Variants in INPP4A observed in about 807,000 individuals in gnomAD.
The protein encoded by INPP4A is inositol polyphosphate-4-phosphatase, type I, 107kD.
Under a neutral mutation model 119.8 loss-of-function variants are expected in INPP4A, and 33 were observed. That is an observed-to-expected ratio of 0.28 (90% CI 0.21 to 0.37). The LOEUF is 0.37. INPP4A is among the 10% of genes least tolerant of loss of function. The probability of loss-of-function intolerance (pLI) is 1.00; values close to 1 mark genes in which losing one functional copy is unlikely to be tolerated. For missense variants in INPP4A, 956 were observed against 1,289.9 expected (o/e 0.74, Z 3.97); for synonymous variants, 496 against 500.7 (o/e 0.99, Z 0.12).
In INPP4A at chr2:98,590,516, G is replaced by A. The variant is rs146440913; in HGVS notation, c.*2908G>A. ...CTTCCTCATAAGGAACGTGCGACGC[G>A]CCTCAGAAGTACGTGTTCATAAATG... On this transcript the variant is annotated 3_prime_UTR_variant, in exon 25 of 25. Coordinates refer to ENST00000409851, the MANE Select transcript of INPP4A (RefSeq NM_001134225.2). 5.5e-4 allele frequency: 107 copies of A among 193,594 alleles called. No homozygotes were observed. The highest frequency in any genetic ancestry group is 2.3e-3 in the African/African-American group (100 of 43,194). The allele number at this position is 193,594 out of a possible 1,614,324, so 12.0% of individuals were successfully genotyped here.
intron 24 of INPP4A, chr2:98,581,432 C>T: frequency 1.2e-6 from 1 of 859,970 alleles, no homozygotes; most frequent in Non-Finnish European, 1.7e-6. Context: ...GACTTCATTT[C>T]ATTTTTTTTT....
intron 1 of INPP4A, among the ~76,000 whole-genome samples, chr2:98,493,384 A>C (rs1043915979): frequency 1.3e-4 from 20 of 150,768 alleles, no homozygotes; most frequent in Non-Finnish European, 2.8e-4. Flanking sequence ...CTTATTTACT[A>C]ATCAGGATAT....
intron 16 of INPP4A, among the ~76,000 whole-genome samples, chr2:98,559,179 G>A (rs554443675): frequency 2.0e-5 from 3 of 152,322 alleles, no homozygotes; most frequent in East Asian, 1.9e-4. Flanking sequence ...AAGCTAGATC[G>A]CACATCCCGA....
At chr2:98,533,168 T>C (rs1386228867) in intron 4 of INPP4A, among the ~76,000 whole-genome samples, 1 of 152,250 alleles carries the variant, frequency 6.6e-6, no homozygotes, top group Admixed American at 6.5e-5. Flanking sequence ...AGTTATGACA[T>C]TGCTGTCTTG....
chr2:98,447,122 G>A (rs1694327380), intron 1 of INPP4A, among the ~76,000 whole-genome samples: 1 of 152,206 alleles, frequency 6.6e-6, no homozygotes, highest in Admixed American at 6.5e-5. Flanking sequence ...GTGAGGCAGA[G>A]TGGAGGGGGA....
intron 1 of INPP4A, among the ~76,000 whole-genome samples, chr2:98,447,547 A>ATT (rs138850052): frequency 6.8e-6 from 1 of 147,978 alleles, no homozygotes. Context: ...TTATTCTCTA[A>ATT]TTTTTTTTTT....
intron 19 of INPP4A, among the ~76,000 whole-genome samples, chr2:98,565,395 A>G (rs1292726068): frequency 6.6e-6 from 1 of 152,172 alleles, no homozygotes; most frequent in Non-Finnish European, 1.5e-5. Flanking sequence ...CCCAAGAAAT[A>G]GTGGGAAGGG....
At chr2:98,481,836 C>T (rs1006504794) in intron 1 of INPP4A, among the ~76,000 whole-genome samples, 2 of 152,220 alleles carry the variant, frequency 1.3e-5, no homozygotes, top group Non-Finnish European at 2.9e-5. Flanking sequence ...TCCCTGTCCA[C>T]GCACCACCTC....
At chr2:98,470,792 C>T (rs1675849012) in intron 1 of INPP4A, among the ~76,000 whole-genome samples, 1 of 152,094 alleles carries the variant, frequency 6.6e-6, no homozygotes, top group African/African-American at 2.4e-5. Flanking sequence ...CTCAGCCTCC[C>T]GAGCAGCTGG....
intron 21 of INPP4A, among the ~76,000 whole-genome samples, chr2:98,567,647 G>A (rs1378360090): frequency 6.6e-6 from 1 of 152,186 alleles, no homozygotes; most frequent in African/African-American, 2.4e-5. Context: ...GCAACACTGA[G>A]GACAGAGAGG....
chr2:98,529,662 G>A (rs183571098), intron 4 of INPP4A, among the ~76,000 whole-genome samples: 31 of 152,228 alleles, frequency 2.0e-4, no homozygotes, highest in African/African-American at 6.7e-4. Context: ...CGTGAACCCG[G>A]GAGGCAGAGC....
chr2:98,513,517 T>A (rs1685534649), intron 1 of INPP4A, among the ~76,000 whole-genome samples: 1 of 152,232 alleles, frequency 6.6e-6, no homozygotes. Context: ...CCAGAGGAAG[T>A]TTCTGCTGCC....
intron 1 of INPP4A, among the ~76,000 whole-genome samples, chr2:98,504,325 T>C (rs1683652285): frequency 4.6e-5 from 7 of 152,252 alleles, no homozygotes. Context: ...CTGCTAAGTG[T>C]TCACCCCAAC....
chr2:98,519,828 A>C (rs1161359510), intron 2 of INPP4A, 118 bp from the exon 3 acceptor site: 2 of 543,368 alleles, frequency 3.7e-6, no homozygotes, highest in Non-Finnish European at 6.7e-6. Context: ...GGTTCCTCAC[A>C]TGCTGGGGAA....
chr2:98,450,688 C>T (rs1454628310), intron 1 of INPP4A, among the ~76,000 whole-genome samples: 2 of 152,168 alleles, frequency 1.3e-5, no homozygotes, highest in Non-Finnish European at 2.9e-5. Flanking sequence ...ACAATGGATT[C>T]GTATACAGAG....
In INPP4A at chr2:98,577,293, T is replaced by G. The variant is rs553965777; in HGVS notation, c.2786+150T>G. ...CTTGAGTTTGACAAACCCGTCAAACTATTGGCACTATCAAATTCAGACAGG... is the reference window on the plus strand; with the variant it reads ...CTTGAGTTTGACAAACCCGTCAAACGATTGGCACTATCAAATTCAGACAGG... On this transcript the variant is annotated intron_variant, in intron 24 of 24. Transcript: ENST00000409851. 1,612 of 794,050 alleles carry G rather than the reference T, an allele frequency of 2.0e-3. 4 individuals carry two copies. The highest frequency in any genetic ancestry group is 2.8e-3 in the Non-Finnish European group (1,476 of 528,484). The allele number at this position is 794,050 out of a possible 1,614,324, so 49.2% of individuals were successfully genotyped here.
rs1198635481 is a variant in INPP4A, at chr2:98,568,791, T to A, written c.2518+123T>A. On this transcript the variant is annotated intron_variant, in intron 22 of 24. Transcript: ENST00000409851. ...CTGTGCATGTGTGTGCACTGTTCCCTTTCTCCCTAAACACACACACGCAGA... is the reference window on the plus strand; with the variant it reads ...CTGTGCATGTGTGTGCACTGTTCCCATTCTCCCTAAACACACACACGCAGA... 9.2e-6 allele frequency: 6 copies of A among 655,648 alleles called. No homozygotes were observed. The African/African-American group carries it at 1.1e-4, about 12-fold the overall frequency. 40.6% of individuals were successfully genotyped at this position (655,648 alleles called of 1,614,324 possible).
intron 24 of INPP4A, 65 bp downstream of exon 24, chr2:98,577,208 G>A (rs1698569588): frequency 1.4e-6 from 2 of 1,478,840 alleles, no homozygotes; most frequent in East Asian, 2.5e-5. Flanking sequence ...AGATGAGCTG[G>A]TACCCTGCTC....
chr2:98,563,349 G>A (rs920930187), intron 17 of INPP4A, 116 bp from the exon 18 acceptor site: 16 of 921,688 alleles, frequency 1.7e-5, no homozygotes, highest in Non-Finnish European at 2.7e-5. Flanking sequence ...AGATGAGGTG[G>A]AGATGGGGGA....
Sources: allele counts gnomAD v4.1 joint callset (sites outside exome capture counted in the v4.1 genomes callset), GRCh38; gene constraint gnomAD v4.1.1; transcripts MANE v1.5; gene names NCBI Gene and HGNC (gene_info 2026-07-23, HGNC 2026-07-21).